The following CENPP variants were observed in gnomAD, a reference collection of about 807,000 sequenced individuals.
CENPP encodes centromere protein P.
Under a neutral mutation model 35.6 loss-of-function variants are expected in CENPP, and 24 were observed. That is an observed-to-expected ratio of 0.67 (90% confidence interval 0.49 to 0.95). The LOEUF (loss-of-function observed/expected upper bound fraction) is 0.95. Ranked by LOEUF, CENPP falls within the 40% of genes least tolerant of loss-of-function variation. The probability of loss-of-function intolerance (pLI) is 0.00; values close to 1 mark genes in which losing one functional copy is unlikely to be tolerated. For missense variants in CENPP, 332 were observed against 345.3 expected (o/e 0.96, Z 0.31); for synonymous variants, 120 against 125.5 (o/e 0.96, Z 0.29).
intron 5 of CENPP, chr9:92,403,136 C>T: frequency 7.0e-6 from 5 of 712,176 alleles, no homozygotes; most frequent in East Asian, 2.8e-5. Flanking sequence ...AGTGATTTTC[C>T]CTTCCCCTTA....
At chr9:92,465,147 G>C (rs1845257961) in intron 5 of CENPP, 1 of 726,858 alleles carries the variant, frequency 1.4e-6, no homozygotes, top group Non-Finnish European at 2.4e-6. Context: ...TCATCCTTTA[G>C]GCTCATTTTC....
chr9:92,390,587 T>TGTGCGTGTGCGCGC (rs749697394), intron 5 of CENPP, among the ~76,000 whole-genome samples: 1 of 141,814 alleles, frequency 7.1e-6, no homozygotes. Context: ...TGTGTGTGTG[T>TGTGCGTGTGCGCGC]GCGCGCGCGC....
rs1282498349 is a variant in CENPP at position 92,494,065 on chromosome 9, A to G, written c.564+114206A>G. 4 of 1,596,514 alleles carry G rather than the reference A, an allele frequency of 2.5e-6. No homozygotes were observed. The Admixed American group carries it at 6.7e-5, about 27-fold the overall frequency. On this transcript the variant is annotated intron_variant, in intron 5 of 7. Transcript: ENST00000375587. ...ACTTGCCTGCTTACTTGTCTGTTTG[A>G]TTTCCTGCTTATTGCCTCTACCAGA...
chr9:92,438,604 A>G (rs1276600069), intron 5 of CENPP, among the ~76,000 whole-genome samples: 3 of 152,204 alleles, frequency 2.0e-5, no homozygotes, highest in East Asian at 3.8e-4. Context: ...TACATCTACC[A>G]TTATTAAGAT....
intron 5 of CENPP, among the ~76,000 whole-genome samples, chr9:92,609,200 T>TG (rs1851165579): frequency 6.6e-6 from 1 of 152,236 alleles, no homozygotes; most frequent in Non-Finnish European, 1.5e-5. Flanking sequence ...TCTCAGCCTC[T>TG]GGCAGGTGCA....
At chr9:92,535,831 G>T in intron 5 of CENPP, 1 of 326,320 alleles carries the variant, frequency 3.1e-6, no homozygotes, top group East Asian at 8.6e-5. Context: ...TATTAGTAAC[G>T]AGCTAATTTA....
chr9:92,522,247 C>T (rs1257004996), intron 5 of CENPP, among the ~76,000 whole-genome samples: 1 of 151,864 alleles, frequency 6.6e-6, no homozygotes, highest in Non-Finnish European at 1.5e-5. Flanking sequence ...CCACCACACC[C>T]GGCTAATTTT....
At chr9:92,370,946 A>G (rs745336777) in intron 4 of CENPP, among the ~76,000 whole-genome samples, 1 of 151,656 alleles carries the variant, frequency 6.6e-6, no homozygotes, top group Non-Finnish European at 1.5e-5. Flanking sequence ...CTGTGGTCTC[A>G]TTTGTATTGT....
intron 5 of CENPP, among the ~76,000 whole-genome samples, chr9:92,439,127 T>C (rs1386651031): frequency 6.6e-6 from 1 of 152,220 alleles, no homozygotes; most frequent in Admixed American, 6.5e-5. Context: ...AAGTATTTCA[T>C]CTTTTTGTTT....
intron 5 of CENPP, among the ~76,000 whole-genome samples, chr9:92,569,214 G>C (rs911423107): frequency 1.3e-5 from 2 of 152,178 alleles, no homozygotes; most frequent in African/African-American, 4.8e-5. Flanking sequence ...ATGGTTTTAG[G>C]TCTAACATTT....
At chr9:92,578,383 C>T (rs889307791) in intron 5 of CENPP, among the ~76,000 whole-genome samples, 34 of 152,312 alleles carry the variant, frequency 2.2e-4, no homozygotes, top group East Asian at 1.2e-3. Flanking sequence ...ACACTGACTT[C>T]CACAATGGTT....
Position 92,569,555 on chromosome 9 carries a change from A to C in CENPP, c.565-41759A>C, listed in dbSNP as rs538749104. Among the ~76,000 whole-genome samples the C allele has an allele frequency of 1.7e-4, 26 of 152,126 alleles. No individual in the cohort carries two copies. In the South Asian group the frequency reaches 2.3e-3, roughly 13 times the overall value. On this transcript the variant is annotated intron_variant, in intron 5 of 7. Coordinates refer to ENST00000375587, the MANE Select transcript of CENPP (RefSeq NM_001012267.3). Reference sequence around the variant, plus strand: ...TTCTTTTTGCTTAGGATTGTCTTGGAAATGCGGGCTCTTTTTTGGTTCCAT... The same window carrying C: ...TTCTTTTTGCTTAGGATTGTCTTGGCAATGCGGGCTCTTTTTTGGTTCCAT...
chr9:92,410,515 G>A (rs1564306065), intron 5 of CENPP, among the ~76,000 whole-genome samples: 1 of 152,156 alleles, frequency 6.6e-6, no homozygotes, highest in Admixed American at 6.5e-5. Flanking sequence ...ACCCTGGTGG[G>A]CCATCCAGAT....
chr9:92,348,672 G>A (rs983280694), intron 4 of CENPP, among the ~76,000 whole-genome samples: 3 of 152,168 alleles, frequency 2.0e-5, no homozygotes, highest in East Asian at 1.9e-4. Context: ...GAATACAGGC[G>A]TGAGCCACCG....
intron 5 of CENPP, among the ~76,000 whole-genome samples, chr9:92,565,547 C>T (rs1849948549): frequency 6.6e-6 from 1 of 152,122 alleles, no homozygotes; most frequent in African/African-American, 2.4e-5. Flanking sequence ...AAACTGCAGA[C>T]AATTTTTGGG....
Position 92,618,334 on chromosome 9 carries a change from C to G in CENPP, c.*5185C>G. On this transcript the variant is annotated 3_prime_UTR_variant, in exon 8 of 8. Coordinates refer to ENST00000375587, the MANE Select transcript of CENPP (RefSeq NM_001012267.3). ...TCCTAGTGTCGTTTCTGCTGAGCAGCTGGTCGTAAGGACCCGGGCCTTCAG... is the reference window on the plus strand; with the variant it reads ...TCCTAGTGTCGTTTCTGCTGAGCAGGTGGTCGTAAGGACCCGGGCCTTCAG... The G allele has an allele frequency of 2.2e-6, 1 of 456,778 alleles. No homozygotes were observed. Among genetic ancestry groups the G allele is most frequent in the Non-Finnish European group, 4.4e-6 (1 of 226,972 alleles). The allele number at this position is 456,778 out of a possible 1,614,324, so 28.3% of individuals were successfully genotyped here. A position where few individuals can be genotyped will look rare whatever the true frequency, so the allele number is the denominator to read the frequency against.
chr9:92,573,024 C>T (rs533251664), intron 5 of CENPP, among the ~76,000 whole-genome samples: 5 of 152,200 alleles, frequency 3.3e-5, no homozygotes, highest in African/African-American at 7.2e-5. Flanking sequence ...AGCTTCTTTG[C>T]GATGGGTTCG....
intron 5 of CENPP, chr9:92,495,540 T>A: frequency 1.0e-6 from 1 of 981,676 alleles, no homozygotes; most frequent in Non-Finnish European, 1.2e-6. Flanking sequence ...CAAACTCTAC[T>A]GCTTTTCAAA....
At chr9:92,415,848 A>AT (rs1554760024) in intron 5 of CENPP, among the ~76,000 whole-genome samples, 15 of 146,258 alleles carry the variant, frequency 1.0e-4, no homozygotes, top group South Asian at 4.2e-4. Flanking sequence ...TATATAAAAA[A>AT]ATATATATAT....
Sources: allele counts gnomAD v4.1 joint callset (sites outside exome capture counted in the v4.1 genomes callset), GRCh38; gene constraint gnomAD v4.1.1; transcripts MANE v1.5; gene names NCBI Gene and HGNC (gene_info 2026-07-23, HGNC 2026-07-21).